ZNF462: variants seen among roughly 807,000 people sequenced by gnomAD.
The protein encoded by ZNF462 is zinc finger protein 462.
ZNF462 carries 10 observed loss-of-function variants against 201.9 expected under a neutral mutation model. The observed-to-expected ratio is 0.05, with a 90% CI of 0.03 to 0.08. ZNF462 has a LOEUF of 0.08. Ranked by LOEUF, ZNF462 falls within the 10% of genes least tolerant of loss-of-function variation. The pLI is 1.00. For synonymous variants in ZNF462, 1,227 were observed against 1,193.3 expected (o/e 1.03, Z -0.58); for missense variants, 2,523 against 3,168.3 (o/e 0.80, Z 4.89).
Position 106,981,384 on chromosome 9 carries a change from TG to T in ZNF462, c.6833-2800del. On this transcript the variant is annotated intron_variant, in intron 9 of 12. Transcript: ENST00000277225. This position sits in a 1 kb window ranked among gnomAD's most constrained non-coding sequence, Gnocchi z 4.0. ...TATCAGGGGTCCAAGAGGAGGGCCC[TG>T]GCAGAGATCAGAAGACCTGTGTTCC... 6.6e-6 allele frequency among the ~76,000 whole-genome samples: 1 copy of T among 152,198 alleles called. No individual in the cohort carries two copies. Among genetic ancestry groups the T allele is most frequent in the Non-Finnish European group, 1.5e-5 (1 of 68,030 alleles).
At chr9:106,986,980 G>GATAGATAGA (rs1827886825) in intron 10 of ZNF462, among the ~76,000 whole-genome samples, 3 of 23,960 alleles carry the variant, frequency 1.3e-4, no homozygotes, top group Admixed American at 5.2e-4. Flanking sequence ...TTCCATCATA[G>GATAGATAGA]ATAGATAGAT....
At chr9:106,906,503 A>G (rs1829281756) in intron 1 of ZNF462, among the ~76,000 whole-genome samples, 1 of 152,218 alleles carries the variant, frequency 6.6e-6, no homozygotes, top group African/African-American at 2.4e-5. Flanking sequence ...ATCACCAAAA[A>G]TTATCTTCAT....
At chr9:106,914,978 C>T (rs1829708007) in intron 1 of ZNF462, among the ~76,000 whole-genome samples, 2 of 152,054 alleles carry the variant, frequency 1.3e-5, no homozygotes, top group African/African-American at 4.8e-5. Flanking sequence ...GAAAAAAAAT[C>T]TTAGAAAATA....
At chr9:106,985,108 G>A (rs1221619612) in intron 10 of ZNF462, among the ~76,000 whole-genome samples, 2 of 152,092 alleles carry the variant, frequency 1.3e-5, no homozygotes, top group African/African-American at 2.4e-5. Flanking sequence ...AAGAAAGAAA[G>A]CAGCCATAGA....
intron 1 of ZNF462, among the ~76,000 whole-genome samples, chr9:106,922,132 G>A (rs1001215612): frequency 2.6e-5 from 4 of 152,156 alleles, no homozygotes; most frequent in Admixed American, 2.6e-4. Flanking sequence ...ATCTTTTACA[G>A]TAAAAGTATA....
At position 106,923,515 on chromosome 9, in the gene ZNF462, A is replaced by G; in HGVS notation, c.132A>G (p.Leu44=). The G allele has an allele frequency of 1.2e-6, 2 of 1,614,202 alleles. No individual in the cohort carries two copies. Among genetic ancestry groups the G allele is most frequent in the Non-Finnish European group, 1.7e-6 (2 of 1,180,034 alleles). ...TDVAEDNVNE[L]RCGSVNASNQ... is the part of the protein sequence containing the mutation. ...TTGCTGAGGACAATGTGAATGAGCTACGATGTGGGTCCGTGAATGCCAGTA... is the reference window on the plus strand; with the variant it reads ...TTGCTGAGGACAATGTGAATGAGCTGCGATGTGGGTCCGTGAATGCCAGTA... Residue 44 remains leucine (L), a synonymous_variant, in exon 2 of 13, where the codon CTA becomes CTG. Coordinates refer to ENST00000277225, the MANE Select transcript of ZNF462 (RefSeq NM_021224.6). The surrounding 1 kb of genome is among the most constrained non-coding windows in gnomAD (Gnocchi z 5.6).
At chr9:106,987,287 G>A (rs764441199) in intron 10 of ZNF462, among the ~76,000 whole-genome samples, 3 of 152,138 alleles carry the variant, frequency 2.0e-5, no homozygotes, top group Admixed American at 1.3e-4. Context: ...CAGCAGTGTA[G>A]AAGTGTTCGC....
intron 1 of ZNF462, among the ~76,000 whole-genome samples, chr9:106,867,226 A>T (rs542828186): frequency 1.7e-4 from 26 of 152,220 alleles, no homozygotes; most frequent in African/African-American, 5.1e-4. Flanking sequence ...AGACATACCC[A>T]TTTGAATTAA....
Position 106,890,826 on chromosome 9 carries a change from C to G in ZNF462, c.-31+27471C>G, listed in dbSNP as rs959132354. 6.6e-6 allele frequency among the ~76,000 whole-genome samples: 1 copy of G among 152,194 alleles called. No homozygotes were observed. Among genetic ancestry groups the G allele is most frequent in the African/African-American group, 2.4e-5 (1 of 41,448 alleles). On this transcript the variant is annotated intron_variant, in intron 1 of 12. Coordinates refer to ENST00000277225, the MANE Select transcript of ZNF462 (RefSeq NM_021224.6). The surrounding 1 kb of genome is among the most constrained non-coding windows in gnomAD (Gnocchi z 4.2). ...AATTATCATGAGATTACCACATACTCTTGCCTGGAATCTTGCCAGCAATAG... is the reference window on the plus strand; with the variant it reads ...AATTATCATGAGATTACCACATACTGTTGCCTGGAATCTTGCCAGCAATAG...
At chr9:106,990,584 G>A (rs941903830) in intron 10 of ZNF462, among the ~76,000 whole-genome samples, 12 of 151,794 alleles carry the variant, frequency 7.9e-5, no homozygotes, top group Admixed American at 3.9e-4. Context: ...AGTCTTTAAC[G>A]TAATATTTTC....
chr9:106,936,464 C>T (rs1216619800), intron 6 of ZNF462, among the ~76,000 whole-genome samples: 1 of 152,198 alleles, frequency 6.6e-6, no homozygotes, highest in East Asian at 1.9e-4. Flanking sequence ...CATGTCTCTT[C>T]ATTGTCTTCT....
Position 107,009,460 on chromosome 9 carries a change from A to C in ZNF462, c.7190-85A>C. 3 of 1,557,878 alleles carry C rather than the reference A, an allele frequency of 1.9e-6. No homozygotes were observed. Among genetic ancestry groups the C allele is most frequent in the Non-Finnish European group, 2.6e-6 (3 of 1,141,666 alleles). ...ACATGGCTTTATCAGTGAAGGTAGG[A>C]GAGAGGGTATCCTAATGAATGCTGA... On this transcript the variant is annotated intron_variant, in intron 11 of 12. Coordinates refer to ENST00000277225, the MANE Select transcript of ZNF462 (RefSeq NM_021224.6). The surrounding 1 kb of genome is among the most constrained non-coding windows in gnomAD (Gnocchi z 6.1).
intron 4 of ZNF462, among the ~76,000 whole-genome samples, chr9:106,931,899 T>C (rs1830441449): frequency 6.6e-6 from 1 of 152,206 alleles, no homozygotes; most frequent in Non-Finnish European, 1.5e-5. Flanking sequence ...CTTCCTCTCC[T>C]TTCTGTGAGC....
chr9:106,965,636 C>T (rs935389228), intron 7 of ZNF462, among the ~76,000 whole-genome samples: 2 of 152,062 alleles, frequency 1.3e-5, no homozygotes, highest in Non-Finnish European at 2.9e-5. Flanking sequence ...CATTTACCAA[C>T]ATTCAGAACG....
chr9:106,965,363 A>ATG (rs1832026126), intron 7 of ZNF462, among the ~76,000 whole-genome samples: 1 of 86,246 alleles, frequency 1.2e-5, no homozygotes, highest in Non-Finnish European at 2.0e-5. Flanking sequence ...ATGAGTAATG[A>ATG]TATGTATGCT....
chr9:106,987,500 T>C (rs1827943436), intron 10 of ZNF462, among the ~76,000 whole-genome samples: 1 of 152,162 alleles, frequency 6.6e-6, no homozygotes, highest in Non-Finnish European at 1.5e-5. Context: ...CTTAGCCCAC[T>C]TTTTCATGAG....
upstream of ZNF462, among the ~76,000 whole-genome samples, chr9:106,861,977 CT>C (rs1015522656): frequency 3.3e-5 from 5 of 152,064 alleles, no homozygotes; most frequent in Non-Finnish European, 7.4e-5. Flanking sequence ...AGCAGGCGTT[CT>C]TTTTTTCTTT....
At chr9:106,894,758 T>C (rs968796469) in intron 1 of ZNF462, among the ~76,000 whole-genome samples, 17 of 152,194 alleles carry the variant, frequency 1.1e-4, no homozygotes, top group Non-Finnish European at 2.4e-4. Context: ...TATGGTGCTG[T>C]AAGTCTAAAA....
intron 1 of ZNF462, among the ~76,000 whole-genome samples, chr9:106,912,412 AT>A (rs1829590275): frequency 6.6e-6 from 1 of 152,126 alleles, no homozygotes; most frequent in Non-Finnish European, 1.5e-5. Context: ...AAAAAAATGG[AT>A]TTTGTACCTT....
Sources: gnomAD v4.1 joint callset for allele counts (sites outside exome capture counted in the v4.1 genomes callset) on GRCh38, gnomAD v4.1.1 for gene constraint, Gnocchi (gnomAD v3.1) non-coding constraint, MANE v1.5 for transcripts, NCBI Gene and HGNC (gene_info 2026-07-23, HGNC 2026-07-21) for gene names.